LZTFL1: variants seen among roughly 807,000 people sequenced by gnomAD.
The protein encoded by LZTFL1 is leucine zipper transcription factor like 1, also known as leucine zipper transcription factor-like protein 1.
Under a neutral mutation model 45.9 loss-of-function variants are expected in LZTFL1, and 25 were observed. The observed-to-expected ratio is 0.54, with a 90% CI of 0.40 to 0.76. The LOEUF (loss-of-function observed/expected upper bound fraction) is 0.76, where lower values mean the gene tolerates loss of function less well. LZTFL1 is among the 30% of genes least tolerant of loss of function. The pLI, the probability that LZTFL1 is intolerant of heterozygous loss-of-function variation, is 0.00. For synonymous variants in LZTFL1, 93 were observed against 117.4 expected, an observed-to-expected ratio of 0.79 and a Z score of 1.35; for missense variants, 277 against 331.1, an observed-to-expected ratio of 0.84 and a Z score of 1.27.
intron 2 of LZTFL1, among the ~76,000 whole-genome samples, chr3:45,861,454 G>A (rs1357015522): frequency 2.6e-5 from 4 of 152,072 alleles, no homozygotes; most frequent in Non-Finnish European, 5.9e-5. Flanking sequence ...TTTCTAACTG[G>A]CTGCTAGCCT....
At chr3:45,894,816 A>G in intron 2 of LZTFL1, 1 of 890,738 alleles carries the variant, frequency 1.1e-6, no homozygotes, top group Admixed American at 1.7e-5. Flanking sequence ...GAATAAGCAG[A>G]TTTAAAATTT....
chr3:45,896,158 C>T (rs1170486563), intron 2 of LZTFL1, among the ~76,000 whole-genome samples: 1 of 152,234 alleles, frequency 6.6e-6, no homozygotes, highest in African/African-American at 2.4e-5. Context: ...TCTTCAGTTT[C>T]TCCTGCATTA....
At chr3:45,832,237 AAAC>A (rs752502774) in intron 5 of LZTFL1, among the ~76,000 whole-genome samples, 193 of 152,190 alleles carry the variant, frequency 1.3e-3, no homozygotes, top group Non-Finnish European at 1.8e-3. Context: ...ACAAACCAAC[AAAC>A]AACAATAAAA....
chr3:45,830,956 T>C lies in LZTFL1; in HGVS notation c.557A>G (p.Glu186Gly), dbSNP rs72876525. Residue 186 changes from glutamate (E) to glycine (G), a missense_variant, in exon 7 of 10, where the codon GAA becomes GGA. Coordinates refer to ENST00000296135, the MANE Select transcript of LZTFL1 (RefSeq NM_020347.4). ...TNALDEKSKLEKALQDLQLDQ... is the reference protein window; with the variant it reads ...TNALDEKSKLGKALQDLQLDQ... ...AAGCTGTAAATCTTGCAGTGCTTTT[T>C]CTAGTTTTGACTTTTCATCCAGTGC... The C allele has an allele frequency of 1.9e-6, 3 of 1,614,148 alleles. No individual in the cohort carries two copies. Among genetic ancestry groups the C allele is most frequent in the African/African-American group, 1.3e-5 (1 of 75,074 alleles).
At position 45,825,013 on chromosome 3, in the gene LZTFL1, A is replaced by G. The variant is rs1447176509; in HGVS notation, c.*1301T>C. On this transcript the variant is annotated 3_prime_UTR_variant, in exon 10 of 10. Transcript: ENST00000296135. ...CAGGGAAATTATCTTACCCTTTAAC[A>G]TTTGTTCCTTCACTATTTTAACAAA... is the stretch of plus-strand genomic sequence containing the variant. 2 of 397,406 alleles carry G rather than the reference A, an allele frequency of 5.0e-6. No individual in the cohort carries two copies. Among genetic ancestry groups the G allele is most frequent in the Non-Finnish European group, 8.9e-6 (2 of 225,308 alleles). 24.6% of individuals were successfully genotyped at this position (397,406 alleles called of 1,614,324 possible).
chr3:45,850,058 C>G (rs1369457940), intron 4 of LZTFL1, among the ~76,000 whole-genome samples: 1 of 152,068 alleles, frequency 6.6e-6, no homozygotes, highest in Non-Finnish European at 1.5e-5. Context: ...TTCCATGTGC[C>G]CATTGTATTT....
chr3:45,832,987 T>C, intron 5 of LZTFL1, 63 bp downstream of exon 5: 3 of 1,251,862 alleles, frequency 2.4e-6, no homozygotes, highest in East Asian at 2.3e-5. Context: ...CTTCTGTTTC[T>C]CCACCCTAGG....
intron 2 of LZTFL1, among the ~76,000 whole-genome samples, chr3:45,887,251 C>CTGTGTGTGTGTGTG (rs36040178): frequency 6.7e-6 from 1 of 149,114 alleles, no homozygotes; most frequent in Admixed American, 6.7e-5. Context: ...GCGTGTGTGT[C>CTGTGTGTGTGTGTG]TGTGTGTGTG....
At position 45,837,825 on chromosome 3, in the gene LZTFL1, T is replaced by C. The variant is rs148332837; in HGVS notation, c.128+102A>G. On this transcript the variant is annotated intron_variant, in intron 2 of 9. Coordinates refer to ENST00000296135, the MANE Select transcript of LZTFL1 (RefSeq NM_020347.4). ...GCTCTTAGCAAATAATTGATCATGATGAATCCCAGAAATTGTCTGGCCTCT... is the reference window on the plus strand; with the variant it reads ...GCTCTTAGCAAATAATTGATCATGACGAATCCCAGAAATTGTCTGGCCTCT... The C allele has an allele frequency of 2.1e-4, 271 of 1,274,224 alleles. 1 individual carries two copies. Among genetic ancestry groups the C allele is most frequent in the Non-Finnish European group, 2.7e-4 (250 of 935,246 alleles). 78.9% of individuals were successfully genotyped at this position (1,274,224 alleles called of 1,614,324 possible). A position where few individuals can be genotyped will look rare whatever the true frequency, so the allele number is the denominator to read the frequency against.
intron 1 of LZTFL1, among the ~76,000 whole-genome samples, chr3:45,839,048 C>A (rs1701037684): frequency 6.6e-6 from 1 of 152,172 alleles, no homozygotes; most frequent in African/African-American, 2.4e-5. Flanking sequence ...TTAGAAATAT[C>A]ACAAAACAAT....
At chr3:45,866,235 T>C (rs1701576049) in intron 2 of LZTFL1, among the ~76,000 whole-genome samples, 1 of 152,176 alleles carries the variant, frequency 6.6e-6, no homozygotes, top group South Asian at 2.1e-4. Context: ...ATCCGGTGTG[T>C]ACTACAGCAA....
chr3:45,849,080 AAGTAAGGTCCC>A (rs1468086099), intron 4 of LZTFL1, among the ~76,000 whole-genome samples: 4 of 152,364 alleles, frequency 2.6e-5, no homozygotes, highest in Non-Finnish European at 5.9e-5. Context: ...AACAAAGATG[AAGTAAGGTCCC>A]TGCTCTCAAG....
intron 2 of LZTFL1, 106 bp from the exon 3 acceptor site, chr3:45,835,890 G>T: frequency 2.9e-6 from 2 of 681,360 alleles, no homozygotes; most frequent in Non-Finnish European, 2.4e-6. Flanking sequence ...GAAATTCAAA[G>T]ATTACAGTGA....
chr3:45,880,486 A>T (rs1189409887), intron 2 of LZTFL1, among the ~76,000 whole-genome samples: 2 of 152,146 alleles, frequency 1.3e-5, no homozygotes, highest in Admixed American at 1.3e-4. Context: ...TGGGCGACAG[A>T]GCAAGACTCC....
In LZTFL1 at chr3:45,850,136, T is replaced by C. The variant is rs543439891; in HGVS notation, c.-49+4850A>G. Among the ~76,000 whole-genome samples the C allele has an allele frequency of 6.4e-4, 97 of 152,370 alleles. 1 individual carries two copies. The highest frequency in any genetic ancestry group is 2.1e-3 in the African/African-American group (87 of 41,588). On this transcript the variant is annotated intron_variant, in intron 4 of 4. Transcript: ENST00000472635. ...AATGGATATATATTTTAAAACCTTC[T>C]ACAATGTGAGTAATTATAGTTTAAT...
chr3:45,905,929 C>G (rs1038090990), intron 2 of LZTFL1, among the ~76,000 whole-genome samples: 1 of 152,234 alleles, frequency 6.6e-6, no homozygotes, highest in Admixed American at 6.5e-5. Context: ...TGCTGGTCGA[C>G]TCTCCAAAGC....
chr3:45,869,369 G>A (rs1008976012), intron 2 of LZTFL1, among the ~76,000 whole-genome samples: 2 of 152,214 alleles, frequency 1.3e-5, no homozygotes, highest in African/African-American at 4.8e-5. Flanking sequence ...CTAGAAGCAG[G>A]AAAAAGAAGA....
chr3:45,849,285 C>A (rs995553972), intron 4 of LZTFL1, among the ~76,000 whole-genome samples: 23 of 152,128 alleles, frequency 1.5e-4, no homozygotes, highest in African/African-American at 5.1e-4. Context: ...CTGGGAGAAG[C>A]AAGGCAGAAA....
At chr3:45,913,070 T>C in intron 2 of LZTFL1, 10 of 1,510,314 alleles carry the variant, frequency 6.6e-6, no homozygotes, top group Non-Finnish European at 8.9e-6. Context: ...TACAGCTGTC[T>C]CAGCATAACG....
Sources: allele counts gnomAD v4.1 joint callset (sites outside exome capture counted in the v4.1 genomes callset), GRCh38; gene constraint gnomAD v4.1.1; transcripts MANE v1.5; gene names NCBI Gene and HGNC (gene_info 2026-07-23, HGNC 2026-07-21).